TTC27: variants seen among roughly 807,000 people sequenced by gnomAD.
TTC27 encodes the protein tetratricopeptide repeat domain 27, also known as tetratricopeptide repeat protein 27.
Under a neutral mutation model 115.9 loss-of-function variants are expected in TTC27, and 79 were observed. That is an observed-to-expected ratio of 0.68 (90% CI 0.57 to 0.82). TTC27 has a LOEUF of 0.82. TTC27 is among the 40% of genes least tolerant of loss of function. The probability of loss-of-function intolerance (pLI) is 0.00; values close to 1 mark genes in which losing one functional copy is unlikely to be tolerated. For missense variants in TTC27, 1,054 were observed against 993.1 expected (o/e 1.06, Z -0.82); for synonymous variants, 401 against 356.0 (o/e 1.13, Z -1.42).
intron 9 of TTC27, among the ~76,000 whole-genome samples, chr2:32,697,935 T>A (rs6721809): frequency 4.9e-4 from 75 of 151,854 alleles, no homozygotes; most frequent in Non-Finnish European, 7.4e-4. Flanking sequence ...TTATTTTTAA[T>A]AGAGATGGGG....
At chr2:32,736,067 A>G (rs1297954660) in intron 11 of TTC27, among the ~76,000 whole-genome samples, 2 of 151,920 alleles carry the variant, frequency 1.3e-5, no homozygotes, top group African/African-American at 2.4e-5. Flanking sequence ...AAATCTTTAA[A>G]TTTTTTTTCC....
chr2:32,687,755 A>G (rs966095697), intron 9 of TTC27, among the ~76,000 whole-genome samples: 1 of 152,210 alleles, frequency 6.6e-6, no homozygotes, highest in East Asian at 1.9e-4. Flanking sequence ...TCAGGAAGAC[A>G]TAGTAATTAT....
At chr2:32,667,384 G>T (rs192029610) in intron 7 of TTC27, among the ~76,000 whole-genome samples, 3 of 145,098 alleles carry the variant, frequency 2.1e-5, no homozygotes, top group African/African-American at 7.6e-5. Flanking sequence ...ATTTATGCAT[G>T]TGTTTTCTGA....
At chr2:32,731,181 G>A (rs973752120) in intron 10 of TTC27, among the ~76,000 whole-genome samples, 1 of 151,882 alleles carries the variant, frequency 6.6e-6, no homozygotes. Context: ...TGCAACCTCC[G>A]CCTCCTGGGC....
At chr2:32,738,273 A>C (rs1330740027) in intron 12 of TTC27, among the ~76,000 whole-genome samples, 1 of 152,164 alleles carries the variant, frequency 6.6e-6, no homozygotes, top group Non-Finnish European at 1.5e-5. Flanking sequence ...AGTTGCTTTA[A>C]TCTTCCTTGT....
chr2:32,646,645 G>C (rs1448709618), intron 4 of TTC27, among the ~76,000 whole-genome samples: 7 of 138,728 alleles, frequency 5.0e-5, no homozygotes, highest in Non-Finnish European at 4.6e-5. Flanking sequence ...CTCACTGCAA[G>C]CTCCACCTTC....
chr2:32,655,370 C>T (rs569029529), intron 5 of TTC27, among the ~76,000 whole-genome samples: 102 of 152,150 alleles, frequency 6.7e-4, no homozygotes, highest in Middle Eastern at 3.4e-3. Context: ...TGGTCTTGAA[C>T]TCCTGGCATC....
At chr2:32,733,720 T>C in intron 10 of TTC27, 108 bp from the exon 11 acceptor site, 1 of 592,686 alleles carries the variant, frequency 1.7e-6, no homozygotes, top group Admixed American at 3.6e-5. Context: ...TCAAAATGAC[T>C]TAAGTTCTTT....
Position 32,787,112 on chromosome 2 carries a change from G to A in TTC27, c.1961G>A (p.Arg654Gln), listed in dbSNP as rs202221447. ...EFSEAIKAYH[R>Q]LLDLRDKYKD... ...TCAGAAGCCATTAAAGCTTATCACC[G>A]GCTCTTGGACTTACGTGACAAATAC... The change falls in exon 16 of 20, where the codon CGG becomes CAG. Residue 654 changes from arginine to glutamine, a missense_variant. Physicochemically the swap from Arg to Gln is conservative, Grantham distance 43. Coordinates refer to ENST00000317907, the MANE Select transcript of TTC27 (RefSeq NM_017735.5). 1.2e-4 allele frequency: 195 copies of A among 1,613,698 alleles called. No homozygotes were observed. The highest frequency in any genetic ancestry group is 3.0e-4 in the Admixed American group (18 of 59,948).
chr2:32,728,080 G>A (rs1049259954), intron 10 of TTC27, among the ~76,000 whole-genome samples: 41 of 132,094 alleles, frequency 3.1e-4, no homozygotes, highest in African/African-American at 1.0e-3. Flanking sequence ...TCTCGCTGTC[G>A]CCCAGGCTGG....
intron 9 of TTC27, among the ~76,000 whole-genome samples, chr2:32,700,661 C>T (rs1184918965): frequency 6.6e-6 from 1 of 152,202 alleles, no homozygotes; most frequent in African/African-American, 2.4e-5. Flanking sequence ...CCTCAGCCTC[C>T]TGAGTAGCTG....
At chr2:32,648,028 T>C (rs1361902943) in intron 4 of TTC27, among the ~76,000 whole-genome samples, 1 of 152,176 alleles carries the variant, frequency 6.6e-6, no homozygotes, top group African/African-American at 2.4e-5. Flanking sequence ...TGCACATACA[T>C]AGAGGAAGCT....
intron 12 of TTC27, among the ~76,000 whole-genome samples, chr2:32,746,927 A>G (rs551378491): frequency 6.6e-6 from 1 of 152,350 alleles, no homozygotes; most frequent in East Asian, 1.9e-4. Flanking sequence ...AAGAAGAGGT[A>G]TAAGATCTCA....
At chr2:32,681,484 C>T (rs2151889679) in intron 9 of TTC27, among the ~76,000 whole-genome samples, 1 of 152,116 alleles carries the variant, frequency 6.6e-6, no homozygotes, top group South Asian at 2.1e-4. Context: ...CTATGTAACT[C>T]CAAAAGAGTA....
At chr2:32,783,237 T>C (rs1191810554) in intron 15 of TTC27, among the ~76,000 whole-genome samples, 2 of 152,164 alleles carry the variant, frequency 1.3e-5, no homozygotes, top group African/African-American at 4.8e-5. Context: ...ACTCATTTAG[T>C]CTTGTGAGGA....
At position 32,630,663 on chromosome 2, in the gene TTC27, T is replaced by C; in HGVS notation, c.229T>C (p.Phe77Leu). Residue 77 changes from phenylalanine to leucine, a missense_variant, in exon 2 of 20, where the codon TTC becomes CTC. Transcript: ENST00000317907. ...CTACCTGGAGAAGCAGGTAGTAACA[T>C]TCCTGGATTACTCAACAGATTTGGA... ...DSYLEKQVVT[F>L]LDYSTDLDTT... The C allele has an allele frequency of 6.2e-7, 1 of 1,612,650 alleles. No homozygotes were observed. The highest frequency in any genetic ancestry group is 8.5e-7 in the Non-Finnish European group (1 of 1,179,634).
chr2:32,726,118 T>C (rs1668101720), intron 10 of TTC27, among the ~76,000 whole-genome samples: 1 of 152,182 alleles, frequency 6.6e-6, no homozygotes, highest in Non-Finnish European at 1.5e-5. Flanking sequence ...CCTCCGGACC[T>C]GTTATTGGAG....
chr2:32,746,898 A>G (rs1668851864), intron 12 of TTC27, among the ~76,000 whole-genome samples: 1 of 152,242 alleles, frequency 6.6e-6, no homozygotes, highest in South Asian at 2.1e-4. Flanking sequence ...CCCTTGGGAA[A>G]GATAATTTTG....
chr2:32,784,040 T>C (rs1670267192), intron 15 of TTC27, among the ~76,000 whole-genome samples: 1 of 152,210 alleles, frequency 6.6e-6, no homozygotes, highest in Admixed American at 6.5e-5. Context: ...ATTATGTTCT[T>C]GATTGCAACT....
Sources: allele counts gnomAD v4.1 joint callset (sites outside exome capture counted in the v4.1 genomes callset), GRCh38; gene constraint gnomAD v4.1.1; transcripts MANE v1.5; gene names NCBI Gene and HGNC (gene_info 2026-07-23, HGNC 2026-07-21).